MTA3: variants seen among roughly 807,000 people sequenced by gnomAD.
The protein encoded by MTA3 is metastasis-associated protein MTA3.
A neutral mutation model predicts 83.5 loss-of-function variants in MTA3; 34 were observed. That is an observed-to-expected ratio of 0.41 (90% CI 0.31 to 0.54). The LOEUF is 0.54. Ranked by LOEUF, MTA3 falls within the 20% of genes least tolerant of loss-of-function variation. The probability of loss-of-function intolerance (pLI) is 0.33; values close to 1 mark genes in which losing one functional copy is unlikely to be tolerated. For synonymous variants in MTA3, 303 were observed against 252.7 expected, an observed-to-expected ratio of 1.20 and a Z score of -1.89; for missense variants, 761 against 726.4, an observed-to-expected ratio of 1.05 and a Z score of -0.55.
intron 16 of MTA3, among the ~76,000 whole-genome samples, chr2:42,729,562 C>T (rs960159120): frequency 6.6e-6 from 1 of 152,146 alleles, no homozygotes. Flanking sequence ...ATGTTCTTGG[C>T]ACCATTGTTT....
At chr2:42,555,856 G>C (rs769054711) in intron 2 of MTA3, among the ~76,000 whole-genome samples, 17 of 152,094 alleles carry the variant, frequency 1.1e-4, no homozygotes, top group Non-Finnish European at 2.1e-4. Flanking sequence ...TGGATCACCT[G>C]AGGTCAGGAG....
At chr2:42,543,821 T>A (rs1676633491) in intron 2 of MTA3, among the ~76,000 whole-genome samples, 1 of 151,780 alleles carries the variant, frequency 6.6e-6, no homozygotes, top group African/African-American at 2.4e-5. Context: ...GTATCTAACA[T>A]ATACATACAT....
chr2:42,568,861 C>T, intron 1 of MTA3, 88 bp downstream of exon 1: 1 of 1,183,088 alleles, frequency 8.5e-7, no homozygotes, highest in Non-Finnish European at 1.1e-6. Flanking sequence ...TGCCGGGAGC[C>T]AAGGGCGCCG....
Sources: gnomAD v4.1 joint callset for allele counts (sites outside exome capture counted in the v4.1 genomes callset) on GRCh38, gnomAD v4.1.1 for gene constraint, MANE v1.5 for transcripts, NCBI Gene and HGNC (gene_info 2026-07-23, HGNC 2026-07-21) for gene names.